The following DMC1 variants were observed in gnomAD, a reference collection of about 807,000 sequenced individuals.
The protein encoded by DMC1 is DNA meiotic recombinase 1.
A neutral mutation model predicts 50.1 loss-of-function variants in DMC1; 27 were observed. The observed-to-expected ratio is 0.54, with a 90% CI of 0.40 to 0.74. DMC1 has a LOEUF of 0.74. Ranked by LOEUF, DMC1 falls within the 30% of genes least tolerant of loss-of-function variation. DMC1 has a pLI of 0.00. For synonymous variants in DMC1, 148 were observed against 136.1 expected (o/e 1.09, Z -0.61); for missense variants, 295 against 420.2 (o/e 0.70, Z 2.60).
chr22:38,561,299 C>T (rs1168360491), intron 5 of DMC1, among the ~76,000 whole-genome samples: 1 of 152,088 alleles, frequency 6.6e-6, no homozygotes, highest in Non-Finnish European at 1.5e-5. Context: ...TCACCCACTG[C>T]ACCCGGCCAG....
At chr22:38,513,083 C>CA in the DMC1 span, among the ~76,000 whole-genome samples, 1,161 of 114,150 alleles carry the variant, frequency 0.01, 3 homozygotes, top group Admixed American at 0.011. Context: ...GAGTCTGTCT[C>CA]AAAAAAAAAA....
intron 8 of DMC1, among the ~76,000 whole-genome samples, chr22:38,547,618 G>A (rs956682879): frequency 6.6e-6 from 1 of 151,584 alleles, no homozygotes; most frequent in South Asian, 2.1e-4. Flanking sequence ...TCGGCTCACC[G>A]CAACCTCCGC....
intron 4 of DMC1, among the ~76,000 whole-genome samples, chr22:38,562,798 C>CATATATGTGTAT (rs1272078692): frequency 2.0e-5 from 3 of 151,744 alleles, no homozygotes; most frequent in Admixed American, 6.6e-5. Flanking sequence ...TACATATATA[C>CATATATGTGTAT]ACATATACAT....
At chr22:38,564,938 C>A (rs900597948) in intron 4 of DMC1, among the ~76,000 whole-genome samples, 1 of 152,156 alleles carries the variant, frequency 6.6e-6, no homozygotes, top group African/African-American at 2.4e-5. Flanking sequence ...CAGGATCACA[C>A]TGCCACTTGC....
chr22:38,516,617 T>C (rs957393143), downstream of DMC1, among the ~76,000 whole-genome samples: 6 of 152,040 alleles, frequency 3.9e-5, no homozygotes, highest in Non-Finnish European at 7.4e-5. Flanking sequence ...GGAGGAAAGA[T>C]AGGAGAGGCT....
At chr22:38,535,096 G>C (rs2090195858) in intron 12 of DMC1, among the ~76,000 whole-genome samples, 1 of 151,826 alleles carries the variant, frequency 6.6e-6, no homozygotes, top group African/African-American at 2.4e-5. Flanking sequence ...TCAAGAGATA[G>C]AAACCATCCT....
At chr22:38,516,117 G>A (rs763755331), downstream of DMC1, among the ~76,000 whole-genome samples, 37 of 152,178 alleles carry the variant, frequency 2.4e-4, no homozygotes, top group Non-Finnish European at 4.4e-4. Flanking sequence ...AGCTCAGTGG[G>A]CACTGGTGAT....
downstream of DMC1, among the ~76,000 whole-genome samples, chr22:38,517,144 T>C (rs1039241033): frequency 6.6e-6 from 1 of 152,208 alleles, no homozygotes; most frequent in Non-Finnish European, 1.5e-5. Flanking sequence ...AAGGGCCAGA[T>C]AGAGCTAGGA....
chr22:38,567,362 C>T (rs966871757), intron 3 of DMC1, among the ~76,000 whole-genome samples: 10 of 152,214 alleles, frequency 6.6e-5, no homozygotes, highest in Non-Finnish European at 1.3e-4. Context: ...ATTTTGTCCT[C>T]TGGATACACT....
In DMC1 at chr22:38,562,329, C is replaced by T. The variant is rs747474174; in HGVS notation, c.284G>A (p.Arg95Lys). 1.2e-6 allele frequency: 2 copies of T among 1,612,890 alleles called. No individual in the cohort carries two copies. The highest frequency in any genetic ancestry group is 1.7e-6 in the Non-Finnish European group (2 of 1,179,182). Residue 95 changes from arginine (R) to lysine (K), a missense_variant, in exon 5 of 14, where the codon AGG becomes AAG. Coordinates refer to ENST00000216024, the MANE Select transcript of DMC1 (RefSeq NM_007068.4). ...FLTAFEYSEK[R>K]KMVFHITTGS... The stretch of plus-strand genomic sequence containing the variant: ...GGTGGTGATATGGAAAACCATTTTC[C>T]TCTTTTCACTATACTCAAATGCAGT...
Position 38,520,014 on chromosome 22 carries a change from C to T in DMC1, c.*6G>A, listed in dbSNP as rs781159185. ...CACTAAGAAGCAATTTGCATCAATT[C>T]ACCACCTACTCCTTGGCATCCCCAA... is the stretch of plus-strand genomic sequence containing the variant. On this transcript the variant is annotated 3_prime_UTR_variant, in exon 14 of 14. Coordinates refer to ENST00000216024, the MANE Select transcript of DMC1 (RefSeq NM_007068.4). 16 of 1,612,968 alleles carry T rather than the reference C, an allele frequency of 9.9e-6. No individual in the cohort carries two copies. The highest frequency in any genetic ancestry group is 2.2e-5 in the East Asian group (1 of 44,850).
chr22:38,534,169 C>A (rs1056412558), intron 12 of DMC1, among the ~76,000 whole-genome samples: 1 of 152,104 alleles, frequency 6.6e-6, no homozygotes, highest in African/African-American at 2.4e-5. Flanking sequence ...ACAAAAAAAC[C>A]CCCAACAACT....
At chr22:38,533,009 C>T (rs1481036569) in intron 12 of DMC1, among the ~76,000 whole-genome samples, 1 of 152,068 alleles carries the variant, frequency 6.6e-6, no homozygotes, top group African/African-American at 2.4e-5. Context: ...AATGATTTCC[C>T]CTGCTCAATC....
chr22:38,529,514 C>T (rs1198050046), intron 12 of DMC1, among the ~76,000 whole-genome samples: 1 of 152,042 alleles, frequency 6.6e-6, no homozygotes, highest in Non-Finnish European at 1.5e-5. Context: ...TTTCACTTCT[C>T]CCCCTCTGGT....
rs1316802944 is a variant in DMC1, at chr22:38,566,700, T to C, written c.133A>G (p.Ile45Val). ...ADIKKLKSVG[I>V]CTIKGIQMTT... Reference sequence around the variant, plus strand: ...ATCTGTATACCTTTGATGGTACAGATTCCTACTGATTTCAGTTTCTTAATG... The same window carrying C: ...ATCTGTATACCTTTGATGGTACAGACTCCTACTGATTTCAGTTTCTTAATG... The change falls in exon 4 of 14, where the codon ATC (isoleucine) becomes GTC (valine). Residue 45 changes from isoleucine to valine, a missense_variant. Ile to Val is a conservative substitution (Grantham distance 29). Coordinates refer to ENST00000216024, the MANE Select transcript of DMC1 (RefSeq NM_007068.4). 4 of 1,614,046 alleles carry C rather than the reference T, an allele frequency of 2.5e-6. No individual in the cohort carries two copies. The highest frequency in any genetic ancestry group is 1.7e-4 in the Middle Eastern group (1 of 6,060).
rs370387342 is a variant in DMC1 at position 38,520,055 on chromosome 22, T to C, written c.988A>G (p.Ile330Val). The C allele has an allele frequency of 1.9e-6, 3 of 1,613,652 alleles. No individual in the cohort carries two copies. In the South Asian group the frequency reaches 3.3e-5, roughly 18 times the overall value. ...GCATCCCCAATTCCTCCAGCAGTTA[T>C]TGCGAAGGTGGCTTCATTTTCAGGC... The part of the protein sequence containing the change: ...EMPENEATFA[I>V]TAGGIGDAKE The change falls in exon 14 of 14, where the codon ATA becomes GTA. Residue 330 changes from isoleucine to valine, a missense_variant. Physicochemically the swap from Ile to Val is conservative, Grantham distance 29. Transcript: ENST00000216024.
At chr22:38,523,203 C>T (rs757575287) in intron 12 of DMC1, among the ~76,000 whole-genome samples, 2 of 152,160 alleles carry the variant, frequency 1.3e-5, no homozygotes, top group African/African-American at 4.8e-5. Context: ...AGACTAACGG[C>T]GGCAGTTAAG....
chr22:38,532,415 G>T (rs1438848502), intron 12 of DMC1, among the ~76,000 whole-genome samples: 4 of 147,566 alleles, frequency 2.7e-5, no homozygotes, highest in African/African-American at 1.0e-4. Flanking sequence ...CTCCCCTCCC[G>T]GGTTCAAACG....
At chr22:38,542,014 A>G (rs541851120) in intron 8 of DMC1, among the ~76,000 whole-genome samples, 1 of 146,648 alleles carries the variant, frequency 6.8e-6, no homozygotes, top group East Asian at 2.0e-4. Flanking sequence ...ACGTTCATTT[A>G]TGATAAAAAA....
Sources: allele counts gnomAD v4.1 joint callset (sites outside exome capture counted in the v4.1 genomes callset), GRCh38; gene constraint gnomAD v4.1.1; transcripts MANE v1.5; gene names NCBI Gene and HGNC (gene_info 2026-07-23, HGNC 2026-07-21).